Variants in CC2D1A observed in about 807,000 individuals in gnomAD.
CC2D1A encodes the protein coiled-coil and C2 domain containing 1A, also known as coiled-coil and C2 domain-containing protein 1A.
CC2D1A carries 68 observed loss-of-function variants against 123.8 expected under a neutral mutation model. The ratio of observed to expected loss-of-function variants is 0.55; its 90% CI spans 0.45 to 0.67. The LOEUF (loss-of-function observed/expected upper bound fraction) is 0.67, where lower values mean the gene tolerates loss of function less well. Ranked by LOEUF, CC2D1A falls within the 30% of genes least tolerant of loss-of-function variation. The pLI, the probability that CC2D1A is intolerant of heterozygous loss-of-function variation, is 0.00. For missense variants in CC2D1A, 1,185 were observed against 1,290.3 expected, an observed-to-expected ratio of 0.92 and a Z score of 1.25; for synonymous variants, 477 against 528.0, an observed-to-expected ratio of 0.90 and a Z score of 1.32.
chr19:13,930,150 G>A lies in CC2D1A; in HGVS notation c.2783G>A (p.Ser928Asn). ...GCCCGGCGCCTGGGCAACGATGGCAGCAGGGTGAGCTGGTCGCGGGCCGGG... is the reference window on the plus strand; with the variant it reads ...GCCCGGCGCCTGGGCAACGATGGCAACAGGGTGAGCTGGTCGCGGGCCGGG... ...EAARRLGNDG[S>N]RDAAKEALYR... Residue 928 changes from serine to asparagine, a missense_variant, in exon 27 of 29, where the codon AGC (serine) becomes AAC (asparagine). Coordinates refer to ENST00000318003, the MANE Select transcript of CC2D1A (RefSeq NM_017721.5). The surrounding 1 kb of genome is among the most constrained non-coding windows in gnomAD (Gnocchi z 6.8). The A allele has an allele frequency of 6.2e-7, 1 of 1,613,358 alleles. No individual in the cohort carries two copies. Among genetic ancestry groups the A allele is most frequent in the Non-Finnish European group, 8.5e-7 (1 of 1,179,730 alleles).
In CC2D1A at chr19:13,926,853, C is replaced by G. The variant is rs926148895; in HGVS notation, c.2106C>G (p.Ile702Met). Residue 702 changes from isoleucine (I) to methionine (M), a missense_variant, in exon 20 of 29, where the codon ATC becomes ATG. Transcript: ENST00000318003. ...CTCAGAAAGACAAGACCAGTGTGAT[C>G]AAGAACACAGACTCCCCTGGTGAGC... ...EEAQKDKTSVIKNTDSPEFKE... is the reference protein window; with the variant it reads ...EEAQKDKTSVMKNTDSPEFKE... The G allele has an allele frequency of 6.2e-7, 1 of 1,614,128 alleles. No homozygotes were observed. Among genetic ancestry groups the G allele is most frequent in the Admixed American group, 1.7e-5 (1 of 60,016 alleles).
rs1179253390 is a variant in CC2D1A at position 13,930,355 on chromosome 19, A to G, written c.2836-20A>G. On this transcript the variant is annotated intron_variant, in intron 28 of 28. Transcript: ENST00000318003. This position sits in a 1 kb window ranked among gnomAD's most constrained non-coding sequence, Gnocchi z 6.8. ...GGTCGTAGCCCACCTCCATGACCCC[A>G]GTGGCCTCCTCTCCCCCAGCTGCAG... 2.5e-6 allele frequency: 4 copies of G among 1,613,620 alleles called. No individual in the cohort carries two copies. Among genetic ancestry groups the G allele is most frequent in the South Asian group, 2.2e-5 (2 of 91,082 alleles).
chr19:13,915,164 C>T (rs1971162063), intron 6 of CC2D1A, among the ~76,000 whole-genome samples: 1 of 152,256 alleles, frequency 6.6e-6, no homozygotes, highest in African/African-American at 2.4e-5. Context: ...TAAAACTTGT[C>T]AGGAGTTCAA....
rs1333524503 is a variant in CC2D1A, at chr19:13,927,989, A to C, written c.2413A>C (p.Arg805=). 2 of 1,613,578 alleles carry C rather than the reference A, an allele frequency of 1.2e-6. No individual in the cohort carries two copies. The highest frequency in any genetic ancestry group is 2.7e-5 in the African/African-American group (2 of 74,858). The change falls in exon 23 of 29, where the codon AGG becomes CGG. Residue 805 remains arginine (R), a synonymous_variant. Transcript: ENST00000318003. ...TAQQLETTTE[R]WLVIDPVPAA... The stretch of plus-strand genomic sequence containing the variant: ...CCAGCAGTTGGAGACGACGACAGAG[A>C]GGTGGCTGGTCATTGACCCTGTGCC...
In CC2D1A at chr19:13,927,242, T is replaced by G; in HGVS notation, c.2293T>G (p.Cys765Gly). ...GAAGCTGGATGCACTGGAGATAGCA[T>G]GTGAGGTCCGGGAGATCCTTGAGGT... The part of the protein sequence containing the change: ...QLKLDALEIA[C>G]EVREILEVLD... Residue 765 changes from cysteine (C) to glycine (G), a missense_variant, in exon 22 of 29, where the codon TGT becomes GGT. By Grantham distance (159) the Cys-to-Gly change is radical (BLOSUM62 -3). Transcript: ENST00000318003. 6.2e-7 allele frequency: 1 copy of G among 1,614,094 alleles called. No homozygotes were observed. The highest frequency in any genetic ancestry group is 8.5e-7 in the Non-Finnish European group (1 of 1,179,998).
intron 1 of CC2D1A, 69 bp from the exon 2 acceptor site, chr19:13,909,754 T>TG: frequency 6.2e-7 from 1 of 1,603,036 alleles, no homozygotes; most frequent in Non-Finnish European, 8.5e-7. Context: ...GGGGACTCTC[T>TG]GGCCATCATG....
rs1286257848 is a variant in CC2D1A at position 13,918,545 on chromosome 19, C to T, written c.915C>T (p.Pro305=). ...TGGAGGCCCTGAGCCGGGGTGAGCCCGTGGACCTCTCCTGCCTGCCCCCTC... is the reference window on the plus strand; with the variant it reads ...TGGAGGCCCTGAGCCGGGGTGAGCCTGTGGACCTCTCCTGCCTGCCCCCTC... ...AVLEALSRGE[P]VDLSCLPPPP... The change falls in exon 8 of 29, where the codon CCC becomes CCT. Residue 305 remains proline (P), a synonymous_variant. Coordinates refer to ENST00000318003, the MANE Select transcript of CC2D1A (RefSeq NM_017721.5). The T allele has an allele frequency of 3.7e-6, 6 of 1,613,826 alleles. No individual in the cohort carries two copies. The highest frequency in any genetic ancestry group is 1.3e-5 in the African/African-American group (1 of 75,038).
rs373617776 is a variant in CC2D1A, at chr19:13,920,797, C to G, written c.1516C>G (p.Gln506Glu). Residue 506 changes from glutamine to glutamate, a missense_variant, in exon 14 of 29, where the codon CAG becomes GAG. Physicochemically the swap from Gln to Glu is conservative, Grantham distance 29. Transcript: ENST00000318003. Reference protein sequence around the residue: ...FLEGRKKQLLQAALRAKQKND... With the variant: ...FLEGRKKQLLEAALRAKQKND... ...AGAGGGCCGCAAGAAGCAGCTCCTG[C>G]AGGCCGCACTGCGAGCCAAGCAGAA... is the stretch of plus-strand genomic sequence containing the variant. 6.2e-7 allele frequency: 1 copy of G among 1,613,928 alleles called. No individual in the cohort carries two copies. The highest frequency in any genetic ancestry group is 8.5e-7 in the Non-Finnish European group (1 of 1,179,958).
At chr19:13,927,516 T>C (rs375179099) in intron 22 of CC2D1A, 93 of 519,604 alleles carry the variant, frequency 1.8e-4, no homozygotes, top group African/African-American at 1.3e-3. Flanking sequence ...TGGTGGCTCA[T>C]GCCTGTAATC....
intron 11 of CC2D1A, 69 bp from the exon 12 acceptor site, chr19:13,919,749 C>T: frequency 6.8e-7 from 1 of 1,470,276 alleles, no homozygotes; most frequent in Non-Finnish European, 9.1e-7. Flanking sequence ...GAATCTGCAT[C>T]TCCACCATAA....
At chr19:13,928,557 G>T (rs974597177) in intron 24 of CC2D1A, among the ~76,000 whole-genome samples, 1 of 151,582 alleles carries the variant, frequency 6.6e-6, no homozygotes, top group African/African-American at 2.4e-5. Flanking sequence ...ATCCCAACTT[G>T]GCTGTTACCT....
Position 13,906,339 on chromosome 19 carries a change from G to A in CC2D1A, c.-103G>A. The A allele has an allele frequency of 1.0e-6, 1 of 954,862 alleles. No individual in the cohort carries two copies. The highest frequency in any genetic ancestry group is 1.8e-5 in the South Asian group (1 of 57,074). The allele number at this position is 954,862 out of a possible 1,614,324, so 59.1% of individuals were successfully genotyped here. On this transcript the variant is annotated 5_prime_UTR_variant, in exon 1 of 29. In the 5' UTR this introduces an upstream ATG that the reference lacks. Transcript: ENST00000318003. The surrounding 1 kb of genome is among the most constrained non-coding windows in gnomAD (Gnocchi z 4.1). ...GACGGCCGCGGGGCGCCGACGAGGA[G>A]TGCAGGACTCAGGAAGGGCGAGTGC...
chr19:13,908,037 C>T (rs913188633), intron 1 of CC2D1A, among the ~76,000 whole-genome samples: 32 of 152,308 alleles, frequency 2.1e-4, no homozygotes, highest in South Asian at 6.2e-4. Context: ...CAGAGTCTTG[C>T]TCTCTCGCCC....
intron 17 of CC2D1A, among the ~76,000 whole-genome samples, chr19:13,926,246 A>G (rs1327579061): frequency 1.3e-5 from 2 of 151,794 alleles, no homozygotes; most frequent in East Asian, 3.9e-4. Context: ...TGAAGGGAAT[A>G]TCACCCAGCA....
At chr19:13,922,655 C>G (rs756133241) in intron 14 of CC2D1A, among the ~76,000 whole-genome samples, 3 of 152,168 alleles carry the variant, frequency 2.0e-5, no homozygotes, top group Non-Finnish European at 2.9e-5. Flanking sequence ...GAATGTCAGC[C>G]CCACGAGGGC....
At position 13,929,661 on chromosome 19, in the gene CC2D1A, G is replaced by A; in HGVS notation, c.2710+1G>A. The stretch of plus-strand genomic sequence containing the variant: ...CAGGGGGGTGTGGGCATCCGACGGG[G>A]TAGGGGTTTGGAGATGGGCATCTGG... On this transcript the variant is annotated splice_donor_variant, in intron 26 of 28. Coordinates refer to ENST00000318003, the MANE Select transcript of CC2D1A (RefSeq NM_017721.5). LOFTEE classifies it high-confidence loss of function. The A allele has an allele frequency of 2.0e-6, 3 of 1,536,154 alleles. No homozygotes were observed. Among genetic ancestry groups the A allele is most frequent in the Non-Finnish European group, 2.6e-6 (3 of 1,143,542 alleles).
intron 11 of CC2D1A, 105 bp from the exon 12 acceptor site, chr19:13,919,713 G>A (rs1031992726): frequency 2.5e-6 from 3 of 1,185,386 alleles, no homozygotes; most frequent in Non-Finnish European, 3.4e-6. Context: ...AAAAAGTAAA[G>A]GCCCAAGACT....
chr19:13,912,524 G>T lies in CC2D1A; in HGVS notation c.313-4G>T. On this transcript the variant is annotated splice_region_variant and splice_polypyrimidine_tract_variant and intron_variant, in intron 3 of 28. Coordinates refer to ENST00000318003, the MANE Select transcript of CC2D1A (RefSeq NM_017721.5). Reference sequence around the variant, plus strand: ...TATCCTGCCCTGGCTGTGTGTCCCTGCAGGCGGAGCTAAATGAGGTCCTTG... The same window carrying T: ...TATCCTGCCCTGGCTGTGTGTCCCTTCAGGCGGAGCTAAATGAGGTCCTTG... The T allele has an allele frequency of 6.2e-7, 1 of 1,614,130 alleles. No individual in the cohort carries two copies. The highest frequency in any genetic ancestry group is 2.2e-5 in the East Asian group (1 of 44,874).
chr19:13,926,227 A>G (rs1173860152), intron 17 of CC2D1A, among the ~76,000 whole-genome samples: 1 of 151,552 alleles, frequency 6.6e-6, no homozygotes, highest in Non-Finnish European at 1.5e-5. Context: ...GGACTCAACA[A>G]CTGTTAAGTG....
Sources: allele counts gnomAD v4.1 joint callset (sites outside exome capture counted in the v4.1 genomes callset), GRCh38; gene constraint gnomAD v4.1.1; non-coding constraint Gnocchi (gnomAD v3.1); transcripts MANE v1.5; gene names NCBI Gene and HGNC (gene_info 2026-07-23, HGNC 2026-07-21).